Variants in CLVS1 observed in about 807,000 individuals in gnomAD.
The protein encoded by CLVS1 is clavesin-1.
A neutral mutation model predicts 33.1 loss-of-function variants in CLVS1; 10 were observed. The observed-to-expected ratio is 0.30, with a 90% CI of 0.19 to 0.51. The LOEUF is 0.51. Among genes scored for constraint, CLVS1 ranks in the 20% least tolerant of loss-of-function variants. The pLI is 0.97. For synonymous variants in CLVS1, 163 were observed against 166.1 expected, an observed-to-expected ratio of 0.98 and a Z score of 0.14; for missense variants, 343 against 433.4, an observed-to-expected ratio of 0.79 and a Z score of 1.85.
At chr8:61,257,722 A>T (rs1046563321) in intron 2 of CLVS1, among the ~76,000 whole-genome samples, 1 of 152,170 alleles carries the variant, frequency 6.6e-6, no homozygotes, top group African/African-American at 2.4e-5. Flanking sequence ...GACCTAATTT[A>T]AAAAAATAAG....
chr8:61,033,259 C>G, the CLVS1 span, among the ~76,000 whole-genome samples: 1 of 152,226 alleles, frequency 6.6e-6, no homozygotes, highest in Non-Finnish European at 1.5e-5. Context: ...CCAATAGCCA[C>G]TGCTTAGCTC....
rs1238500631 is a variant in CLVS1 at position 61,500,799 on chromosome 8, TAATG to T, written c.*1258_*1261del. ...AGTCAAACAAAAATATTTTAGTTAA[TAATG>T]GGCAGTAAAATATGATTTTACATTA... On this transcript the variant is annotated 3_prime_UTR_variant, in exon 6 of 6. Coordinates refer to ENST00000325897, the MANE Select transcript of CLVS1 (RefSeq NM_173519.3). 1 of 152,228 alleles carries T rather than the reference TAATG, an allele frequency of 6.6e-6. No individual in the cohort carries two copies. Among genetic ancestry groups the T allele is most frequent in the African/African-American group, 2.4e-5 (1 of 41,460 alleles). The allele number at this position is 152,228 out of a possible 1,614,324, so 9.4% of individuals were successfully genotyped here. A position where few individuals can be genotyped will look rare whatever the true frequency, so the allele number is the denominator to read the frequency against.
chr8:61,364,867 G>A (rs963101760), intron 2 of CLVS1, among the ~76,000 whole-genome samples: 1 of 152,212 alleles, frequency 6.6e-6, no homozygotes, highest in African/African-American at 2.4e-5. Context: ...ATGAGATGCT[G>A]TATACTTCTA....
At chr8:60,981,727 TAC>T in the CLVS1 span, among the ~76,000 whole-genome samples, 2 of 152,192 alleles carry the variant, frequency 1.3e-5, no homozygotes, top group African/African-American at 4.8e-5. Context: ...TGGCAGAAAG[TAC>T]AGAGGAACAG....
chr8:61,188,161 G>A (rs922510377), intron 2 of CLVS1, among the ~76,000 whole-genome samples: 16 of 152,158 alleles, frequency 1.1e-4, no homozygotes, highest in African/African-American at 3.9e-4. Flanking sequence ...CTCTTATTAT[G>A]ATAGTGAATT....
chr8:61,469,921 C>T (rs1817678723), intron 5 of CLVS1, among the ~76,000 whole-genome samples: 3 of 152,146 alleles, frequency 2.0e-5, no homozygotes, highest in South Asian at 2.1e-4. Context: ...TTAGTTTTGG[C>T]GTCTCACTGC....
intron 2 of CLVS1, among the ~76,000 whole-genome samples, chr8:61,144,279 T>C (rs529546304): frequency 6.6e-6 from 1 of 152,208 alleles, no homozygotes; most frequent in African/African-American, 2.4e-5. Flanking sequence ...CGACTCCCGC[T>C]TTATGAGTGA....
intron 3 of CLVS1, among the ~76,000 whole-genome samples, chr8:61,442,759 CT>C (rs573506459): frequency 7.3e-4 from 111 of 152,292 alleles, no homozygotes; most frequent in African/African-American, 2.6e-3. Flanking sequence ...GCCACCACCC[CT>C]GACTAGTTTT....
intron 2 of CLVS1, among the ~76,000 whole-genome samples, chr8:61,135,495 C>G (rs946698036): frequency 1.3e-5 from 2 of 152,104 alleles, no homozygotes; most frequent in African/African-American, 4.8e-5. Flanking sequence ...CCGTGACCAT[C>G]TTTACACCCA....
At chr8:61,413,829 G>C (rs1274269932) in intron 3 of CLVS1, among the ~76,000 whole-genome samples, 1 of 152,202 alleles carries the variant, frequency 6.6e-6, no homozygotes, top group Non-Finnish European at 1.5e-5. Context: ...CCATTCTAAG[G>C]ATACGTTCAA....
intron 3 of CLVS1, among the ~76,000 whole-genome samples, chr8:61,438,997 G>T (rs1585975779): frequency 6.6e-6 from 1 of 152,170 alleles, no homozygotes; most frequent in Admixed American, 6.5e-5. Flanking sequence ...TATTATACTT[G>T]CTTATTGCAA....
At chr8:61,105,156 C>T (rs1264600001) in intron 1 of CLVS1, among the ~76,000 whole-genome samples, 1 of 152,148 alleles carries the variant, frequency 6.6e-6, no homozygotes, top group African/African-American at 2.4e-5. Flanking sequence ...AAAAGACTAA[C>T]TATATTTGAG....
intron 2 of CLVS1, among the ~76,000 whole-genome samples, chr8:61,236,425 A>G (rs1808561121): frequency 6.6e-6 from 1 of 152,166 alleles, no homozygotes; most frequent in South Asian, 2.1e-4. Context: ...GCAGGCCCTG[A>G]AAAGGACTCC....
chr8:60,982,131 C>T, the CLVS1 span, among the ~76,000 whole-genome samples: 1 of 151,622 alleles, frequency 6.6e-6, no homozygotes, highest in South Asian at 2.1e-4. Context: ...AGGGTCTGGC[C>T]GTAACAACAG....
intron 2 of CLVS1, among the ~76,000 whole-genome samples, chr8:61,145,558 C>G (rs113421734): frequency 1.3e-5 from 2 of 152,208 alleles, no homozygotes; most frequent in Non-Finnish European, 2.9e-5. Flanking sequence ...GGGCATCTTG[C>G]CTGTCCTTCC....
intron 2 of CLVS1, chr8:61,202,653 G>A (rs748882300): frequency 7.0e-5 from 107 of 1,529,018 alleles, no homozygotes; most frequent in Non-Finnish European, 9.0e-5. Flanking sequence ...TAGTCTTAAG[G>A]TTGAAGTGTG....
At chr8:61,127,993 A>T (rs935061783) in intron 1 of CLVS1, among the ~76,000 whole-genome samples, 38 of 152,380 alleles carry the variant, frequency 2.5e-4, no homozygotes, top group African/African-American at 8.2e-4. Context: ...AAACACAGAG[A>T]TGATGTTGAA....
chr8:61,095,892 T>C (rs1362804670), intron 1 of CLVS1, among the ~76,000 whole-genome samples: 1 of 152,226 alleles, frequency 6.6e-6, no homozygotes, highest in Admixed American at 6.5e-5. Flanking sequence ...CATTAGCTAC[T>C]TCTTCATCAA....
the CLVS1 span, among the ~76,000 whole-genome samples, chr8:61,041,922 C>A: frequency 6.6e-6 from 1 of 152,086 alleles, no homozygotes; most frequent in East Asian, 1.9e-4. Context: ...ACTCTGTCAT[C>A]CATACTGGGC....
Sources: allele counts gnomAD v4.1 joint callset (sites outside exome capture counted in the v4.1 genomes callset), GRCh38; gene constraint gnomAD v4.1.1; transcripts MANE v1.5; gene names NCBI Gene and HGNC (gene_info 2026-07-23, HGNC 2026-07-21).